The following WNT3 variants were observed in gnomAD, a reference collection of about 807,000 sequenced individuals.
The protein encoded by WNT3 is proto-oncogene Wnt-3.
WNT3 carries 7 observed loss-of-function variants against 34.2 expected under a neutral mutation model. The observed-to-expected ratio is 0.20, with a 90% CI of 0.12 to 0.38. The LOEUF (loss-of-function observed/expected upper bound fraction) is 0.38, where lower values mean the gene tolerates loss of function less well. WNT3 is among the 10% of genes least tolerant of loss of function. The pLI, the probability that WNT3 is intolerant of heterozygous loss-of-function variation, is 1.00. For missense variants in WNT3, 267 were observed against 499.8 expected, an observed-to-expected ratio of 0.53 and a Z score of 4.44; for synonymous variants, 212 against 211.5, an observed-to-expected ratio of 1.00 and a Z score of -0.02.
intron 1 of WNT3, among the ~76,000 whole-genome samples, chr17:46,808,041 G>C (rs2084220113): frequency 6.6e-6 from 1 of 152,240 alleles, no homozygotes; most frequent in Non-Finnish European, 1.5e-5. Context: ...GCACGTATAT[G>C]ATGGAGACCA....
At chr17:46,786,279 A>T (rs1160309346) in intron 1 of WNT3, among the ~76,000 whole-genome samples, 1 of 152,110 alleles carries the variant, frequency 6.6e-6, no homozygotes, top group Non-Finnish European at 1.5e-5. Context: ...GGACAGGAGA[A>T]GCGGGGGATG....
chr17:46,764,677 C>G (rs2059297956), intron 4 of WNT3, 56 bp from the exon 5 acceptor site: 1 of 152,262 alleles, frequency 6.6e-6, no homozygotes, highest in Non-Finnish European at 1.5e-5. Flanking sequence ...CAGAGACCAC[C>G]CATTGGGGTT....
chr17:46,791,398 G>A (rs943677454), intron 1 of WNT3, among the ~76,000 whole-genome samples: 1 of 152,034 alleles, frequency 6.6e-6, no homozygotes, highest in Admixed American at 6.5e-5. Context: ...GTAGAGACGG[G>A]GTTTCAACAT....
chr17:46,770,824 G>A (rs1249945423), intron 2 of WNT3, among the ~76,000 whole-genome samples: 2 of 152,230 alleles, frequency 1.3e-5, no homozygotes, highest in Non-Finnish European at 2.9e-5. Context: ...CATCGTCTCT[G>A]CATGTGCTTC....
At chr17:46,801,957 G>A (rs1282742843) in intron 1 of WNT3, among the ~76,000 whole-genome samples, 2 of 152,186 alleles carry the variant, frequency 1.3e-5, no homozygotes, top group Non-Finnish European at 1.5e-5. Flanking sequence ...TCTACCATGT[G>A]CCCAGTATTG....
chr17:46,777,196 C>G (rs1021603884), intron 1 of WNT3, among the ~76,000 whole-genome samples: 4 of 151,806 alleles, frequency 2.6e-5, no homozygotes, highest in Admixed American at 2.0e-4. Context: ...GGCGACAGAG[C>G]GAGACTTCGT....
intron 1 of WNT3, among the ~76,000 whole-genome samples, chr17:46,777,245 G>A (rs1327257972): frequency 6.6e-6 from 1 of 152,244 alleles, no homozygotes; most frequent in Admixed American, 6.5e-5. Context: ...CAGAGGCCGT[G>A]AAAGAGGACC....
At chr17:46,783,891 A>G (rs919431072) in intron 1 of WNT3, among the ~76,000 whole-genome samples, 4 of 152,188 alleles carry the variant, frequency 2.6e-5, no homozygotes, top group Non-Finnish European at 5.9e-5. Context: ...ACAAACTAGC[A>G]CCTTCCTTAG....
chr17:46,773,128 C>G (rs1331778425), intron 2 of WNT3, among the ~76,000 whole-genome samples: 1 of 152,102 alleles, frequency 6.6e-6, no homozygotes, highest in Non-Finnish European at 1.5e-5. Flanking sequence ...GCAAGACGGC[C>G]GGAAAGTTAC....
chr17:46,801,158 A>G (rs2084120134), intron 1 of WNT3, among the ~76,000 whole-genome samples: 1 of 152,198 alleles, frequency 6.6e-6, no homozygotes, highest in Non-Finnish European at 1.5e-5. Context: ...CCACCCAGAT[A>G]AAAAGGCAGA....
intron 4 of WNT3, among the ~76,000 whole-genome samples, chr17:46,765,033 A>G (rs1007025993): frequency 6.6e-6 from 1 of 152,270 alleles, no homozygotes; most frequent in Admixed American, 6.5e-5. Flanking sequence ...AAATAGCTTG[A>G]TAATGAGCTG....
At chr17:46,794,887 A>T (rs2084033880) in intron 1 of WNT3, among the ~76,000 whole-genome samples, 1 of 151,756 alleles carries the variant, frequency 6.6e-6, no homozygotes, top group Non-Finnish European at 1.5e-5. Flanking sequence ...AGTAGCTGGA[A>T]TTATAGGCAC....
At chr17:46,805,104 C>T (rs2084177497) in intron 1 of WNT3, among the ~76,000 whole-genome samples, 1 of 152,094 alleles carries the variant, frequency 6.6e-6, no homozygotes, top group Non-Finnish European at 1.5e-5. Context: ...CACGAACCCA[C>T]TGGAAGGAAC....
intron 1 of WNT3, among the ~76,000 whole-genome samples, chr17:46,797,417 A>G (rs1012220198): frequency 2.0e-5 from 3 of 152,208 alleles, no homozygotes; most frequent in Non-Finnish European, 4.4e-5. Context: ...GAAAGGAAAG[A>G]GTTTTCCAGT....
At chr17:46,815,947 C>A (rs914656279) in intron 1 of WNT3, among the ~76,000 whole-genome samples, 1 of 152,132 alleles carries the variant, frequency 6.6e-6, no homozygotes, top group African/African-American at 2.4e-5. Flanking sequence ...CACCTGGGGA[C>A]AGGATCACAG....
intron 1 of WNT3, among the ~76,000 whole-genome samples, chr17:46,784,263 C>T (rs2059483988): frequency 6.6e-6 from 1 of 152,110 alleles, no homozygotes; most frequent in African/African-American, 2.4e-5. Context: ...GAGATGGTGT[C>T]CACCAAGATG....
intron 1 of WNT3, among the ~76,000 whole-genome samples, chr17:46,810,173 A>AT (rs1264314826): frequency 2.6e-5 from 4 of 151,460 alleles, no homozygotes; most frequent in Non-Finnish European, 4.4e-5. Flanking sequence ...CGCCCAGCTA[A>AT]TTTTTTGTAT....
intron 1 of WNT3, among the ~76,000 whole-genome samples, chr17:46,784,090 G>A (rs976754397): frequency 2.0e-5 from 3 of 152,122 alleles, no homozygotes; most frequent in Non-Finnish European, 2.9e-5. Context: ...CTGGGTCACC[G>A]GGGTCTGTGG....
chr17:46,817,137 G>C (rs915670110), intron 1 of WNT3, among the ~76,000 whole-genome samples: 10 of 152,178 alleles, frequency 6.6e-5, no homozygotes, highest in Non-Finnish European at 1.2e-4. Flanking sequence ...TCTCCCAGGA[G>C]CCCCAAACAC....
Sources: gnomAD v4.1 joint callset for allele counts (sites outside exome capture counted in the v4.1 genomes callset) on GRCh38, gnomAD v4.1.1 for gene constraint, MANE v1.5 for transcripts, NCBI Gene and HGNC (gene_info 2026-07-23, HGNC 2026-07-21) for gene names.